Variants in AFAP1 observed in about 807,000 individuals in gnomAD.
AFAP1 encodes actin filament associated protein 1.
In AFAP1, 75 loss-of-function variants were observed where a neutral mutation model predicts 93.9. The ratio of observed to expected loss-of-function variants is 0.80; its 90% CI spans 0.66 to 0.97. AFAP1 has a LOEUF of 0.97. Ranked by LOEUF, AFAP1 falls within the 50% of genes least tolerant of loss-of-function variation. AFAP1 has a pLI of 0.00. For synonymous variants in AFAP1, 517 were observed against 430.7 expected (o/e 1.20, Z -2.48); for missense variants, 1,201 against 1,050.8 (o/e 1.14, Z -1.98).
At chr4:7,775,504 C>G (rs1437288872) in intron 14 of AFAP1, 3 of 152,618 alleles carry the variant, frequency 2.0e-5, no homozygotes, top group African/African-American at 7.2e-5. Context: ...CCTTCCCTAA[C>G]ACCGCAGTAT....
chr4:7,820,090 A>T (rs4689875), intron 6 of AFAP1, among the ~76,000 whole-genome samples: 126,977 of 152,240 alleles, frequency 0.83, 53,292 homozygotes, highest in African/African-American at 0.92. Context: ...TTGCTGTAGC[A>T]GTGCAGGTGG....
In AFAP1 at chr4:7,816,057, C is replaced by T. The variant is rs1720446266; in HGVS notation, c.865G>A (p.Val289Met). ...TTACATGTGGTAATTCCATTTTCCA[C>T]AACACCCTCCCCATCTGAGCTGGGT... ...ERPSSDGEGVVENGITTCNGK... is the reference protein window; with the variant it reads ...ERPSSDGEGVMENGITTCNGK... Residue 289 changes from valine to methionine, a missense_variant, in exon 8 of 18, where the codon GTG (valine) becomes ATG (methionine). Val to Met is a conservative substitution (Grantham distance 21). Transcript: ENST00000420658. 3 of 1,612,984 alleles carry T rather than the reference C, an allele frequency of 1.9e-6. No individual in the cohort carries two copies. Among genetic ancestry groups the T allele is most frequent in the African/African-American group, 2.7e-5 (2 of 74,968 alleles).
chr4:7,868,185 AT>A (rs1205075647), intron 3 of AFAP1, among the ~76,000 whole-genome samples: 3 of 152,192 alleles, frequency 2.0e-5, no homozygotes, highest in African/African-American at 7.2e-5. Context: ...AACAATATGG[AT>A]AGTTAACCCC....
intron 1 of AFAP1, among the ~76,000 whole-genome samples, chr4:7,879,731 T>C (rs1206704422): frequency 6.8e-6 from 1 of 146,216 alleles, no homozygotes; most frequent in African/African-American, 2.5e-5. Context: ...AGACAGGGTC[T>C]CTCTCTGTTG....
intron 17 of AFAP1, among the ~76,000 whole-genome samples, chr4:7,767,600 G>A (rs975915872): frequency 2.6e-5 from 4 of 152,042 alleles, no homozygotes; most frequent in South Asian, 2.1e-4. Context: ...CAGACTCACC[G>A]ACACACACGG....
At position 7,800,427 on chromosome 4, in the gene AFAP1, T is replaced by C. The variant is rs750696652; in HGVS notation, c.1266+15A>G. On this transcript the variant is annotated intron_variant, in intron 10 of 17. Transcript: ENST00000420658. ...GTGTCCCTCTGTGGAGTACAGCCCCTGGGAAATATCCTACCTCCAATACTG... is the reference window on the plus strand; with the variant it reads ...GTGTCCCTCTGTGGAGTACAGCCCCCGGGAAATATCCTACCTCCAATACTG... 1.2e-5 allele frequency: 20 copies of C among 1,613,508 alleles called. No individual in the cohort carries two copies. Among genetic ancestry groups the C allele is most frequent in the South Asian group, 3.3e-5 (3 of 90,990 alleles).
chr4:7,869,673 C>A (rs1716848703), intron 2 of AFAP1, among the ~76,000 whole-genome samples: 1 of 152,096 alleles, frequency 6.6e-6, no homozygotes. Context: ...TTTGGAAAGG[C>A]CTGTAAAAAT....
chr4:7,800,570 T>C lies in AFAP1; in HGVS notation c.1138A>G (p.Arg380Gly), dbSNP rs1386163416. 15 of 1,614,090 alleles carry C rather than the reference T, an allele frequency of 9.3e-6. No homozygotes were observed. The highest frequency in any genetic ancestry group is 1.2e-5 in the Non-Finnish European group (14 of 1,180,028). Residue 380 changes from arginine (R) to glycine (G), a missense_variant, in exon 10 of 18, where the codon AGG becomes GGG. Arg to Gly is a moderately radical substitution (Grantham distance 125). Transcript: ENST00000420658. ...ACAATATGGGTCTTCAGGTCGGTCCTGTCCTTGTGGAAAATGAGCTTGTTA... is the reference window on the plus strand; with the variant it reads ...ACAATATGGGTCTTCAGGTCGGTCCCGTCCTTGTGGAAAATGAGCTTGTTA... Reference protein sequence around the residue: ...KDNKLIFHKDRTDLKTHIVSI... With the variant: ...KDNKLIFHKDGTDLKTHIVSI...
rs933531895 is a variant in AFAP1 at position 7,939,811 on chromosome 4, C to T, written c.-158G>A. ...CAGCCCGTGTACCCCGCTCGAGATC[C>T]GGCTCGGCTCGCGGAGCTGCAGCCG... On this transcript the variant is annotated 5_prime_UTR_variant, in exon 1 of 18. Coordinates refer to ENST00000420658, the MANE Select transcript of AFAP1 (RefSeq NM_001134647.2). This position sits in a 1 kb window ranked among gnomAD's most constrained non-coding sequence, Gnocchi z 5.6. 1 of 310,946 alleles carries T rather than the reference C, an allele frequency of 3.2e-6. No individual in the cohort carries two copies. Among genetic ancestry groups the T allele is most frequent in the East Asian group, 1.6e-4 (1 of 6,196 alleles). The allele number at this position is 310,946 out of a possible 1,614,324, so 19.3% of individuals were successfully genotyped here. A position where few individuals can be genotyped will look rare whatever the true frequency, so the allele number is the denominator to read the frequency against.
chr4:7,868,747 C>T (rs1463881154), intron 2 of AFAP1, 28 bp from the exon 3 acceptor site: 9 of 1,603,020 alleles, frequency 5.6e-6, no homozygotes, highest in Admixed American at 1.7e-5. Flanking sequence ...AACCACAGAA[C>T]TGGATGAGGA....
chr4:7,891,165 C>G (rs1347309127), intron 1 of AFAP1, among the ~76,000 whole-genome samples: 1 of 152,132 alleles, frequency 6.6e-6, no homozygotes, highest in Non-Finnish European at 1.5e-5. Flanking sequence ...GAAGCTAACA[C>G]AAGCCCAAAA....
chr4:7,760,719 A>T lies in AFAP1; in HGVS notation c.*3046T>A, dbSNP rs180969963. ...GAGGTTGAAGGCTGATGACACCTTA[A>T]CAAAATAGAGCCAGGAGCAGAGCCC... On this transcript the variant is annotated 3_prime_UTR_variant, in exon 18 of 18. Transcript: ENST00000420658. 2.0e-5 allele frequency: 3 copies of T among 152,410 alleles called. No homozygotes were observed. In the East Asian group the frequency reaches 5.8e-4, roughly 29 times the overall value. 9.4% of individuals were successfully genotyped at this position (152,410 alleles called of 1,614,324 possible). A position where few individuals can be genotyped will look rare whatever the true frequency, so the allele number is the denominator to read the frequency against.
At position 7,762,491 on chromosome 4, in the gene AFAP1, C is replaced by G. The variant is rs948022170; in HGVS notation, c.*1274G>C. 6.6e-6 allele frequency: 1 copy of G among 152,238 alleles called. No homozygotes were observed. Among genetic ancestry groups the G allele is most frequent in the East Asian group, 1.9e-4 (1 of 5,200 alleles). 9.4% of individuals were successfully genotyped at this position (152,238 alleles called of 1,614,324 possible). ...ACTGGAGAATTCCTGACAGCAGCCT[C>G]CGGGAGACCAAGAAGTTAATCTGAT... On this transcript the variant is annotated 3_prime_UTR_variant, in exon 18 of 18. Transcript: ENST00000420658.
At chr4:7,808,918 A>G (rs1182615538) in intron 9 of AFAP1, among the ~76,000 whole-genome samples, 1 of 152,174 alleles carries the variant, frequency 6.6e-6, no homozygotes. Context: ...AGCTGCGCAG[A>G]TGCTGGCACC....
intron 11 of AFAP1, among the ~76,000 whole-genome samples, chr4:7,786,608 T>C (rs1442287687): frequency 6.7e-6 from 1 of 148,262 alleles, no homozygotes; most frequent in Non-Finnish European, 1.5e-5. Context: ...GCGTTTTGAT[T>C]ATCATCCGTC....
chr4:7,784,779 C>T (rs1476065195), intron 12 of AFAP1, among the ~76,000 whole-genome samples: 1 of 152,142 alleles, frequency 6.6e-6, no homozygotes, highest in Non-Finnish European at 1.5e-5. Flanking sequence ...TTTGTTTATG[C>T]TCCTGAGCAC....
chr4:7,838,796 C>T, intron 5 of AFAP1, 93 bp from the exon 6 acceptor site: 2 of 1,414,116 alleles, frequency 1.4e-6, no homozygotes, highest in South Asian at 2.7e-5. Flanking sequence ...TGAGTGCGGG[C>T]AAGGCATCTG....
chr4:7,893,373 G>C (rs1014477172), intron 1 of AFAP1, among the ~76,000 whole-genome samples: 2 of 152,122 alleles, frequency 1.3e-5, no homozygotes, highest in Non-Finnish European at 2.9e-5. Context: ...GACGTTAGGA[G>C]ATCCAGACCA....
intron 1 of AFAP1, among the ~76,000 whole-genome samples, chr4:7,879,847 T>G (rs535600616): frequency 6.6e-6 from 1 of 152,148 alleles, no homozygotes; most frequent in East Asian, 1.9e-4. Flanking sequence ...TTAAATTTTT[T>G]GAAGAGACAG....
Sources: gnomAD v4.1 joint callset for allele counts (sites outside exome capture counted in the v4.1 genomes callset) on GRCh38, gnomAD v4.1.1 for gene constraint, Gnocchi (gnomAD v3.1) non-coding constraint, MANE v1.5 for transcripts, NCBI Gene and HGNC (gene_info 2026-07-23, HGNC 2026-07-21) for gene names.